ZDHHC13: variants seen among roughly 807,000 people sequenced by gnomAD.
ZDHHC13 encodes the protein zDHHC palmitoyltransferase 13.
Under a neutral mutation model 86.0 loss-of-function variants are expected in ZDHHC13, and 85 were observed. That is an observed-to-expected ratio of 0.99 (90% CI 0.83 to 1.18). ZDHHC13 has a LOEUF of 1.18. Among genes scored for constraint, ZDHHC13 ranks in the 50% most tolerant of loss-of-function variants. The probability of loss-of-function intolerance (pLI) is 0.00; values close to 1 mark genes in which losing one functional copy is unlikely to be tolerated. For missense variants in ZDHHC13, 711 were observed against 730.2 expected (o/e 0.97, Z 0.30); for synonymous variants, 263 against 246.4 (o/e 1.07, Z -0.63).
At chr11:19,148,908 C>A in intron 4 of ZDHHC13, 1 of 222,888 alleles carries the variant, frequency 4.5e-6, no homozygotes, top group Non-Finnish European at 8.8e-6. Flanking sequence ...GAGCTGAGAT[C>A]GTGCCACTGC....
At chr11:19,146,619 G>C (rs1209595606) in intron 3 of ZDHHC13, among the ~76,000 whole-genome samples, 1 of 152,130 alleles carries the variant, frequency 6.6e-6, no homozygotes, top group Admixed American at 6.5e-5. Flanking sequence ...GTCTCATCTA[G>C]TTTAGAAGAA....
At chr11:19,133,607 T>G (rs1045441323) in intron 1 of ZDHHC13, among the ~76,000 whole-genome samples, 1 of 152,018 alleles carries the variant, frequency 6.6e-6, no homozygotes, top group African/African-American at 2.4e-5. Context: ...GGATGAAGCT[T>G]GTAAGTCTAA....
chr11:19,171,288 C>T (rs1203303371), intron 15 of ZDHHC13, among the ~76,000 whole-genome samples: 1 of 152,142 alleles, frequency 6.6e-6, no homozygotes, highest in Non-Finnish European at 1.5e-5. Flanking sequence ...CTCATTATTG[C>T]TGTGTCCTGC....
chr11:19,169,198 T>C, intron 14 of ZDHHC13: 1 of 985,444 alleles, frequency 1.0e-6, no homozygotes, highest in Non-Finnish European at 1.2e-6. Context: ...AGATATTCTT[T>C]CCCAATCAAC....
intron 8 of ZDHHC13, among the ~76,000 whole-genome samples, chr11:19,155,186 A>T (rs1445867707): frequency 6.6e-6 from 1 of 152,204 alleles, no homozygotes; most frequent in Non-Finnish European, 1.5e-5. Flanking sequence ...CCAATATAGA[A>T]TACTGTTTGC....
At chr11:19,133,943 ACACGTATGTGTTT>A (rs1849065252) in intron 1 of ZDHHC13, among the ~76,000 whole-genome samples, 5 of 39,394 alleles carry the variant, frequency 1.3e-4, no homozygotes, top group Admixed American at 4.8e-4. Flanking sequence ...ATATATATAT[ACACGTATGTGTTT>A]TATATACTTC....
At chr11:19,164,997 GT>G (rs1393314498) in intron 12 of ZDHHC13, 54 bp from the exon 13 acceptor site, 24 of 1,509,676 alleles carry the variant, frequency 1.6e-5, no homozygotes, top group Non-Finnish European at 1.9e-5. Context: ...CTTGTGATTT[GT>G]TACCACTTTG....
At chr11:19,173,405 A>G (rs1850278235) in intron 16 of ZDHHC13, among the ~76,000 whole-genome samples, 1 of 152,178 alleles carries the variant, frequency 6.6e-6, no homozygotes, top group Admixed American at 6.5e-5. Context: ...GATATGAAAG[A>G]TTGGGCTTTG....
At chr11:19,131,499 C>T (rs1005759456) in intron 1 of ZDHHC13, among the ~76,000 whole-genome samples, 28 of 152,138 alleles carry the variant, frequency 1.8e-4, no homozygotes, top group Non-Finnish European at 3.2e-4. Flanking sequence ...TGCAATTATA[C>T]ATCTTCAGTC....
At chr11:19,137,702 A>C (rs931723647) in intron 1 of ZDHHC13, among the ~76,000 whole-genome samples, 2 of 152,238 alleles carry the variant, frequency 1.3e-5, no homozygotes, top group African/African-American at 4.8e-5. Flanking sequence ...AGAAATTATA[A>C]CAAAGTATCT....
At chr11:19,165,236 C>A (rs369219415) in intron 13 of ZDHHC13, 91 bp downstream of exon 13, 1 of 1,201,696 alleles carries the variant, frequency 8.3e-7, no homozygotes, top group Admixed American at 2.1e-5. Context: ...TCCTAGGGCT[C>A]CATTTTCAAT....
chr11:19,164,917 G>A, intron 12 of ZDHHC13, 135 bp from the exon 13 acceptor site: 2 of 674,574 alleles, frequency 3.0e-6, no homozygotes, highest in Non-Finnish European at 2.6e-6. Flanking sequence ...GCATTCCACA[G>A]CCTCTGTGTG....
At chr11:19,128,648 T>G (rs545576727) in intron 1 of ZDHHC13, among the ~76,000 whole-genome samples, 1 of 152,240 alleles carries the variant, frequency 6.6e-6, no homozygotes, top group Non-Finnish European at 1.5e-5. Context: ...TTTGGCACAT[T>G]ATTTCAAATG....
intron 1 of ZDHHC13, among the ~76,000 whole-genome samples, chr11:19,130,316 C>T (rs1848968641): frequency 6.6e-6 from 1 of 152,094 alleles, no homozygotes; most frequent in Admixed American, 6.6e-5. Flanking sequence ...GTATATTTCA[C>T]TTAAGTTGCT....
intron 5 of ZDHHC13, among the ~76,000 whole-genome samples, chr11:19,150,292 G>A (rs369826515): frequency 5.3e-5 from 8 of 152,042 alleles, no homozygotes; most frequent in Non-Finnish European, 5.9e-5. Context: ...AGTCCAGAAA[G>A]ACAAGTTGCC....
At chr11:19,139,612 T>A (rs1482566361) in intron 1 of ZDHHC13, among the ~76,000 whole-genome samples, 3 of 151,122 alleles carry the variant, frequency 2.0e-5, no homozygotes, top group African/African-American at 7.3e-5. Flanking sequence ...GCCAAGTCAA[T>A]CCTAAGCCAA....
rs772082188 is a variant in ZDHHC13 at position 19,175,998 on chromosome 11, T to C, written c.*38T>C. On this transcript the variant is annotated 3_prime_UTR_variant, in exon 17 of 17. Transcript: ENST00000446113. Reference sequence around the variant, plus strand: ...CAAAACTCTCAATCTGATTTGTTTTTGTTTATGTCGATGCCCTGTAGTTTG... The same window carrying C: ...CAAAACTCTCAATCTGATTTGTTTTCGTTTATGTCGATGCCCTGTAGTTTG... 10 of 1,575,152 alleles carry C rather than the reference T, an allele frequency of 6.3e-6. No individual in the cohort carries two copies. Among genetic ancestry groups the C allele is most frequent in the Admixed American group, 2.0e-5 (1 of 50,812 alleles).
At chr11:19,149,429 T>A in intron 5 of ZDHHC13, 98 bp downstream of exon 5, 1 of 1,206,664 alleles carries the variant, frequency 8.3e-7, no homozygotes, top group Non-Finnish European at 1.1e-6. Flanking sequence ...AAGTGGAGGT[T>A]AATGGATATC....
At chr11:19,157,179 G>A (rs1305682857) in intron 9 of ZDHHC13, among the ~76,000 whole-genome samples, 2 of 152,136 alleles carry the variant, frequency 1.3e-5, no homozygotes, top group Admixed American at 6.6e-5. Flanking sequence ...CTGCATCCCT[G>A]TTTTATTTTC....
Sources: gnomAD v4.1 joint callset for allele counts (sites outside exome capture counted in the v4.1 genomes callset) on GRCh38, gnomAD v4.1.1 for gene constraint, MANE v1.5 for transcripts, NCBI Gene and HGNC (gene_info 2026-07-23, HGNC 2026-07-21) for gene names.